NEGR1: variants seen among roughly 807,000 people sequenced by gnomAD.
NEGR1 encodes the protein IgLON family member 4.
A neutral mutation model predicts 40.9 loss-of-function variants in NEGR1; 10 were observed. That is an observed-to-expected ratio of 0.24 (90% CI 0.15 to 0.42). NEGR1 has a LOEUF of 0.42. NEGR1 is among the 10% of genes least tolerant of loss of function. NEGR1 has a pLI of 1.00. For synonymous variants in NEGR1, 185 were observed against 166.8 expected (o/e 1.11, Z -0.84); for missense variants, 352 against 438.9 (o/e 0.80, Z 1.77).
intron 2 of NEGR1, among the ~76,000 whole-genome samples, chr1:71,887,455 C>A (rs770165702): frequency 1.3e-5 from 2 of 152,172 alleles, no homozygotes; most frequent in African/African-American, 4.8e-5. Flanking sequence ...GGACAAATAT[C>A]TAGTCTCATT....
chr1:71,430,089 C>T (rs1162246074), intron 6 of NEGR1, among the ~76,000 whole-genome samples: 1 of 152,154 alleles, frequency 6.6e-6, no homozygotes, highest in Non-Finnish European at 1.5e-5. Flanking sequence ...CTGCAGAGTC[C>T]CTGCTCATGG....
intron 6 of NEGR1, chr1:71,439,606 A>T (rs1057461721): frequency 6.6e-6 from 1 of 152,120 alleles, no homozygotes; most frequent in African/African-American, 2.4e-5. Context: ...CCAGGAATCT[A>T]CCTGCCTTGG....
At chr1:71,774,239 A>G (rs1355924920) in intron 3 of NEGR1, among the ~76,000 whole-genome samples, 1 of 152,132 alleles carries the variant, frequency 6.6e-6, no homozygotes, top group Non-Finnish European at 1.5e-5. Flanking sequence ...TGAATAAGGA[A>G]CTTGTCTTAA....
At chr1:71,806,893 T>G (rs1253517725) in intron 2 of NEGR1, among the ~76,000 whole-genome samples, 4 of 143,546 alleles carry the variant, frequency 2.8e-5, no homozygotes, top group South Asian at 2.3e-4. Context: ...GATCTGTTTT[T>G]TTTTGTTTTT....
At chr1:71,528,755 A>G (rs1647275505) in intron 6 of NEGR1, among the ~76,000 whole-genome samples, 1 of 151,208 alleles carries the variant, frequency 6.6e-6, no homozygotes, top group Non-Finnish European at 1.5e-5. Context: ...GCATTTCAAT[A>G]TTGGTTTGGC....
At chr1:72,065,361 T>A (rs2100500840) in intron 1 of NEGR1, among the ~76,000 whole-genome samples, 1 of 152,226 alleles carries the variant, frequency 6.6e-6, no homozygotes, top group East Asian at 1.9e-4. Context: ...AGGTCCTAAA[T>A]GGGGTAACTT....
chr1:71,541,552 C>T (rs547356910), intron 6 of NEGR1, among the ~76,000 whole-genome samples: 6 of 151,824 alleles, frequency 4.0e-5, no homozygotes, highest in Admixed American at 1.3e-4. Flanking sequence ...TCTCTGACAA[C>T]GAAGGATGCT....
intron 1 of NEGR1, among the ~76,000 whole-genome samples, chr1:72,025,643 A>G (rs550743195): frequency 1.5e-4 from 23 of 152,326 alleles, no homozygotes; most frequent in Admixed American, 1.4e-3. Flanking sequence ...AATAGGGAAA[A>G]TAAAGCAGAG....
chr1:71,612,731 G>C (rs552521295), intron 4 of NEGR1, among the ~76,000 whole-genome samples: 4 of 152,212 alleles, frequency 2.6e-5, no homozygotes, highest in African/African-American at 4.8e-5. Context: ...ACAAAGACTA[G>C]ATGTAAATGA....
chr1:71,698,839 T>C (rs1653577645), intron 3 of NEGR1, among the ~76,000 whole-genome samples: 1 of 151,822 alleles, frequency 6.6e-6, no homozygotes, highest in South Asian at 2.1e-4. Flanking sequence ...AATAGAAATA[T>C]AAAGATGTAA....
chr1:71,515,717 C>T (rs1390459901), intron 6 of NEGR1, among the ~76,000 whole-genome samples: 2 of 137,136 alleles, frequency 1.5e-5, no homozygotes, highest in African/African-American at 3.1e-5. Flanking sequence ...CAAATTCACA[C>T]ATAACAATAT....
chr1:72,015,094 A>G (rs2100409659), intron 1 of NEGR1, among the ~76,000 whole-genome samples: 1 of 132,066 alleles, frequency 7.6e-6, no homozygotes, highest in East Asian at 2.4e-4. Context: ...TATTCAGAAA[A>G]AAATCTTTTG....
intron 1 of NEGR1, among the ~76,000 whole-genome samples, chr1:72,232,521 T>G (rs949855471): frequency 6.6e-6 from 1 of 152,168 alleles, no homozygotes; most frequent in African/African-American, 2.4e-5. Flanking sequence ...AGTTAGCAAC[T>G]ATTACCATGG....
At chr1:71,655,184 T>C (rs191525239) in intron 4 of NEGR1, among the ~76,000 whole-genome samples, 34 of 152,286 alleles carry the variant, frequency 2.2e-4, no homozygotes, top group African/African-American at 7.0e-4. Flanking sequence ...CTAGAACTAA[T>C]TGCTGTGGAG....
In NEGR1 at chr1:72,103,634, T is replaced by A. The variant is rs1014798208; in HGVS notation, c.177-168323A>T. ...ATTTTGTGTTAAGCTACGTTTTCCC[T>A]GGACTCAGACCTGTTTCAGGCTGGA... is the stretch of plus-strand genomic sequence containing the variant. On this transcript the variant is annotated intron_variant, in intron 1 of 6. Transcript: ENST00000357731. Among the ~76,000 whole-genome samples, 8 of 152,128 alleles carry A rather than the reference T, an allele frequency of 5.3e-5. No individual in the cohort carries two copies. The South Asian group carries it at 6.2e-4, about 12-fold the overall frequency.
intron 2 of NEGR1, among the ~76,000 whole-genome samples, chr1:71,895,964 A>G (rs1303643794): frequency 1.3e-5 from 2 of 151,282 alleles, no homozygotes; most frequent in Non-Finnish European, 2.9e-5. Context: ...TTATTATTAT[A>G]GCTATCTTAG....
At chr1:72,152,375 T>A (rs1651158202) in intron 1 of NEGR1, among the ~76,000 whole-genome samples, 1 of 151,950 alleles carries the variant, frequency 6.6e-6, no homozygotes, top group South Asian at 2.1e-4. Context: ...GAGGCATTTA[T>A]TGCTTTAAGT....
chr1:72,169,139 T>C (rs1287322651), intron 1 of NEGR1, among the ~76,000 whole-genome samples: 1 of 152,120 alleles, frequency 6.6e-6, no homozygotes, highest in African/African-American at 2.4e-5. Context: ...TGATAATTAG[T>C]TGGAAAATTC....
At chr1:71,973,841 C>A (rs1250058821) in intron 1 of NEGR1, among the ~76,000 whole-genome samples, 2 of 152,128 alleles carry the variant, frequency 1.3e-5, no homozygotes, top group Non-Finnish European at 2.9e-5. Context: ...TGGCTTGTGG[C>A]TTCTTGTGTC....
Sources: gnomAD v4.1 joint callset for allele counts (sites outside exome capture counted in the v4.1 genomes callset) on GRCh38, gnomAD v4.1.1 for gene constraint, MANE v1.5 for transcripts, NCBI Gene and HGNC (gene_info 2026-07-23, HGNC 2026-07-21) for gene names.